The following CDH8 variants were observed in gnomAD, a reference collection of about 807,000 sequenced individuals.
CDH8 encodes the protein cadherin 8.
In CDH8, 17 loss-of-function variants were observed where a neutral mutation model predicts 68.1. The observed-to-expected ratio is 0.25, with a 90% confidence interval of 0.17 to 0.37. The LOEUF (loss-of-function observed/expected upper bound fraction) is 0.37. CDH8 is among the 10% of genes least tolerant of loss of function. CDH8 has a pLI of 1.00. For missense variants in CDH8, 763 were observed against 999.3 expected (o/e 0.76, Z 3.19); for synonymous variants, 372 against 365.1 (o/e 1.02, Z -0.21).
intron 10 of CDH8, among the ~76,000 whole-genome samples, chr16:61,708,899 C>T (rs994615862): frequency 6.6e-6 from 1 of 152,142 alleles, no homozygotes; most frequent in South Asian, 2.1e-4. Context: ...TAGTAGACAA[C>T]TTACATGGAA....
At chr16:61,765,470 T>C (rs1960566591) in intron 8 of CDH8, among the ~76,000 whole-genome samples, 1 of 151,996 alleles carries the variant, frequency 6.6e-6, no homozygotes, top group Non-Finnish European at 1.5e-5. Context: ...ACCCCACATC[T>C]GTTGCTTGGT....
intron 3 of CDH8, among the ~76,000 whole-genome samples, chr16:61,897,570 A>T (rs1191690989): frequency 6.6e-6 from 1 of 152,238 alleles, no homozygotes; most frequent in African/African-American, 2.4e-5. Context: ...TGACTTACAT[A>T]CACAGAAATG....
chr16:61,711,360 C>T (rs574000609), intron 10 of CDH8, among the ~76,000 whole-genome samples: 1 of 151,946 alleles, frequency 6.6e-6, no homozygotes, highest in East Asian at 1.9e-4. Flanking sequence ...AGGAGACAAA[C>T]TTATTCATCA....
At chr16:62,012,605 T>A (rs1597125601) in intron 2 of CDH8, among the ~76,000 whole-genome samples, 1 of 152,350 alleles carries the variant, frequency 6.6e-6, no homozygotes, top group Non-Finnish European at 1.5e-5. Flanking sequence ...TTATTTTTTC[T>A]CATTTTATTA....
intron 9 of CDH8, among the ~76,000 whole-genome samples, chr16:61,722,726 G>T (rs1329017238): frequency 1.3e-5 from 2 of 150,700 alleles, no homozygotes; most frequent in Non-Finnish European, 3.0e-5. Flanking sequence ...TATATTATGT[G>T]TCAAGCATTG....
In CDH8 at chr16:61,789,280, C is replaced by T. The variant is rs559728536; in HGVS notation, c.1414+66G>A. ...TAACAGAAACAGGGGCTGCTTATCA[C>T]GTTATTAATAAGCATAAATTGAACT... On this transcript the variant is annotated intron_variant, in intron 8 of 11. Coordinates refer to ENST00000577390, the MANE Select transcript of CDH8 (RefSeq NM_001796.5). The T allele has an allele frequency of 7.4e-4, 1,056 of 1,419,916 alleles. 3 individuals are homozygous for T. The highest frequency in any genetic ancestry group is 2.7e-3 in the Middle Eastern group (15 of 5,504). The allele number at this position is 1,419,916 out of a possible 1,614,324, so 88.0% of individuals were successfully genotyped here.
intron 7 of CDH8, among the ~76,000 whole-genome samples, chr16:61,811,136 C>T (rs1961938673): frequency 6.6e-6 from 1 of 151,726 alleles, no homozygotes; most frequent in South Asian, 2.1e-4. Flanking sequence ...AGATATTGTG[C>T]CTTTCTAGAA....
chr16:62,001,523 C>G (rs1223582671), intron 2 of CDH8, among the ~76,000 whole-genome samples: 1 of 152,118 alleles, frequency 6.6e-6, no homozygotes, highest in Non-Finnish European at 1.5e-5. Context: ...GCTATACATT[C>G]CACTTTTGAC....
At chr16:61,735,308 A>T (rs916783231) in intron 8 of CDH8, among the ~76,000 whole-genome samples, 6 of 152,146 alleles carry the variant, frequency 3.9e-5, no homozygotes, top group Admixed American at 2.6e-4. Context: ...AAGCTAGGAC[A>T]TTCATGACTA....
At chr16:61,740,866 T>TA (rs1959853226) in intron 8 of CDH8, among the ~76,000 whole-genome samples, 1 of 152,154 alleles carries the variant, frequency 6.6e-6, no homozygotes, top group Non-Finnish European at 1.5e-5. Flanking sequence ...ATATGTCTTC[T>TA]GATGCAAAAA....
chr16:61,757,154 AG>A (rs1960340782), intron 8 of CDH8, among the ~76,000 whole-genome samples: 2 of 152,326 alleles, frequency 1.3e-5, no homozygotes, highest in South Asian at 2.1e-4. Flanking sequence ...AAAGTAAAAA[AG>A]TTTTAGTGGA....
chr16:61,791,334 T>C (rs762542854), intron 7 of CDH8, among the ~76,000 whole-genome samples: 3 of 151,986 alleles, frequency 2.0e-5, no homozygotes, highest in African/African-American at 2.4e-5. Context: ...TATTGTATTA[T>C]GGAAAGAAGA....
At chr16:61,822,404 A>C (rs1210267350) in intron 5 of CDH8, among the ~76,000 whole-genome samples, 1 of 151,200 alleles carries the variant, frequency 6.6e-6, no homozygotes, top group African/African-American at 2.4e-5. Flanking sequence ...CAACCACAAC[A>C]AGGGAAAATT....
intron 8 of CDH8, among the ~76,000 whole-genome samples, chr16:61,768,369 C>CT (rs1567461189): frequency 9.8e-4 from 23 of 23,544 alleles, no homozygotes; most frequent in Admixed American, 2.8e-3. Context: ...TCTCTCTCTC[C>CT]CTTTCTCTCT....
chr16:61,852,978 A>G (rs1036442481), intron 4 of CDH8, among the ~76,000 whole-genome samples: 1 of 151,392 alleles, frequency 6.6e-6, no homozygotes, highest in Non-Finnish European at 1.5e-5. Flanking sequence ...GGTGCCAGAC[A>G]TCTAGGCATA....
chr16:61,674,190 T>C (rs1224571390), intron 10 of CDH8, among the ~76,000 whole-genome samples: 1 of 151,956 alleles, frequency 6.6e-6, no homozygotes. Flanking sequence ...ACCCTAAACC[T>C]GTTGTTAAAA....
At chr16:61,662,713 G>A (rs774451055) in intron 10 of CDH8, among the ~76,000 whole-genome samples, 10 of 151,742 alleles carry the variant, frequency 6.6e-5, no homozygotes, top group Admixed American at 3.3e-4. Flanking sequence ...ATTGCATTAG[G>A]TATTATAAGT....
intron 2 of CDH8, among the ~76,000 whole-genome samples, chr16:61,907,149 C>G (rs563361458): frequency 6.6e-6 from 1 of 152,072 alleles, no homozygotes; most frequent in Non-Finnish European, 1.5e-5. Context: ...ACAACAGCAC[C>G]AAGAGTAGAA....
At chr16:61,746,979 T>C (rs1313005551) in intron 8 of CDH8, among the ~76,000 whole-genome samples, 1 of 152,078 alleles carries the variant, frequency 6.6e-6, no homozygotes, top group Non-Finnish European at 1.5e-5. Flanking sequence ...CTGAAATGAT[T>C]ATAGTACAAC....
Sources: allele counts gnomAD v4.1 joint callset (sites outside exome capture counted in the v4.1 genomes callset), GRCh38; gene constraint gnomAD v4.1.1; transcripts MANE v1.5; gene names NCBI Gene and HGNC (gene_info 2026-07-23, HGNC 2026-07-21).